The following FANK1 variants were observed in gnomAD, a reference collection of about 807,000 sequenced individuals.
FANK1 encodes the protein fibronectin type 3 and ankyrin repeat domains protein 1.
A neutral mutation model predicts 45.3 loss-of-function variants in FANK1; 44 were observed. The ratio of observed to expected loss-of-function variants is 0.97; its 90% CI spans 0.76 to 1.25. The LOEUF (loss-of-function observed/expected upper bound fraction) is 1.25, where lower values mean the gene tolerates loss of function less well. Among genes scored for constraint, FANK1 ranks in the 50% most tolerant of loss-of-function variants. The probability of loss-of-function intolerance (pLI) is 0.00; values close to 1 mark genes in which losing one functional copy is unlikely to be tolerated. For missense variants in FANK1, 391 were observed against 424.4 expected (o/e 0.92, Z 0.69); for synonymous variants, 149 against 152.5 (o/e 0.98, Z 0.17).
intron 1 of FANK1, among the ~76,000 whole-genome samples, chr10:125,926,190 T>C (rs1947329233): frequency 6.6e-6 from 1 of 152,188 alleles, no homozygotes; most frequent in Admixed American, 6.5e-5. Context: ...TTTGACATAA[T>C]TGCAGATTCA....
intron 1 of FANK1, among the ~76,000 whole-genome samples, chr10:125,916,369 A>AC (rs1946447037): frequency 1.3e-5 from 2 of 152,202 alleles, no homozygotes; most frequent in Non-Finnish European, 2.9e-5. Flanking sequence ...AAAAGTAGGT[A>AC]CTGTCAGTAT....
At chr10:125,990,148 C>T (rs929241048) in intron 3 of FANK1, among the ~76,000 whole-genome samples, 5 of 152,216 alleles carry the variant, frequency 3.3e-5, no homozygotes, top group Non-Finnish European at 7.3e-5. Context: ...ATTCCCCCAC[C>T]TCTATGAACA....
chr10:125,897,342 G>C (rs1247078602), intron 1 of FANK1, among the ~76,000 whole-genome samples: 3 of 152,300 alleles, frequency 2.0e-5, no homozygotes, highest in Non-Finnish European at 4.4e-5. Flanking sequence ...TACTATTTTT[G>C]TTGTTGTTTT....
intron 1 of FANK1, among the ~76,000 whole-genome samples, chr10:125,945,757 A>G (rs1437858390): frequency 1.3e-5 from 2 of 152,224 alleles, no homozygotes; most frequent in Admixed American, 6.5e-5. Context: ...CCACAACTCA[A>G]GGAGGCCTGC....
At chr10:125,904,464 G>A (rs1391811535) in intron 1 of FANK1, among the ~76,000 whole-genome samples, 2 of 150,858 alleles carry the variant, frequency 1.3e-5, no homozygotes, top group African/African-American at 2.4e-5. Context: ...CTTAGGGACA[G>A]GGTCTCACTA....
At chr10:125,976,968 G>GT (rs35441055) in intron 1 of FANK1, among the ~76,000 whole-genome samples, 60,480 of 151,290 alleles carry the variant, frequency 0.4, 12,196 homozygotes, top group South Asian at 0.46. Flanking sequence ...GACCCGTTAG[G>GT]TTTTTTTTTA....
intron 3 of FANK1, among the ~76,000 whole-genome samples, chr10:125,991,641 T>C (rs952903149): frequency 6.6e-6 from 1 of 152,152 alleles, no homozygotes; most frequent in African/African-American, 2.4e-5. Context: ...GAACAGCCTT[T>C]TTTTTCCCCC....
At chr10:125,964,732 G>T (rs1294119740) in intron 1 of FANK1, among the ~76,000 whole-genome samples, 1 of 152,110 alleles carries the variant, frequency 6.6e-6, no homozygotes, top group African/African-American at 2.4e-5. Flanking sequence ...CACATGTAAG[G>T]GACCATACCT....
chr10:126,005,301 TTC>T (rs1164982131), intron 7 of FANK1, among the ~76,000 whole-genome samples: 1 of 140,070 alleles, frequency 7.1e-6, no homozygotes, highest in Non-Finnish European at 1.5e-5. Flanking sequence ...TGCTTCTACT[TTC>T]TTTCTTTTTT....
At chr10:125,938,691 C>T (rs976319652) in intron 1 of FANK1, among the ~76,000 whole-genome samples, 7 of 152,094 alleles carry the variant, frequency 4.6e-5, no homozygotes, top group African/African-American at 1.7e-4. Context: ...TGCCTGTAGT[C>T]CTGGCTACTT....
intron 1 of FANK1, among the ~76,000 whole-genome samples, chr10:125,973,975 G>A (rs1248517373): frequency 6.6e-6 from 1 of 152,170 alleles, no homozygotes; most frequent in Non-Finnish European, 1.5e-5. Context: ...GTTGATGCAG[G>A]TGTATACAAA....
intron 1 of FANK1, among the ~76,000 whole-genome samples, chr10:125,912,288 A>G (rs936443955): frequency 1.3e-5 from 2 of 152,230 alleles, no homozygotes; most frequent in Non-Finnish European, 2.9e-5. Context: ...CAGAAGCACA[A>G]ACTGTAACTC....
At chr10:125,955,520 A>G (rs1949522001) in intron 1 of FANK1, among the ~76,000 whole-genome samples, 1 of 152,078 alleles carries the variant, frequency 6.6e-6, no homozygotes, top group African/African-American at 2.4e-5. Context: ...TTGCTGTGTC[A>G]CCCAGGCTGG....
chr10:125,982,708 AT>A (rs1426369859), intron 2 of FANK1, among the ~76,000 whole-genome samples: 6 of 152,250 alleles, frequency 3.9e-5, no homozygotes, highest in African/African-American at 1.4e-4. Context: ...AAACAATGAT[AT>A]TGTCTTTGAC....
intron 1 of FANK1, among the ~76,000 whole-genome samples, chr10:125,906,890 C>A (rs2105334): frequency 6.6e-6 from 1 of 152,178 alleles, no homozygotes; most frequent in Non-Finnish European, 1.5e-5. Flanking sequence ...TTCTCCCCTG[C>A]AGTTTCTCCA....
At chr10:125,916,464 G>C (rs1946454569) in intron 1 of FANK1, among the ~76,000 whole-genome samples, 1 of 151,902 alleles carries the variant, frequency 6.6e-6, no homozygotes, top group South Asian at 2.1e-4. Context: ...TTCTCTGTGG[G>C]CGTAGGATAA....
In FANK1 at chr10:125,930,893, A is replaced by T. The variant is rs145633386; in HGVS notation, c.13+34238A>T. ...TCCACACCCTTACCCCCAAGTCCCC[A>T]AAGTCCATTGTATCATTCTTATGCC... On this transcript the variant is annotated intron_variant, in intron 1 of 10. Coordinates refer to ENST00000368693, the MANE Select transcript of FANK1 (RefSeq NM_145235.5). 2.0e-4 allele frequency among the ~76,000 whole-genome samples: 30 copies of T among 152,160 alleles called. 1 individual carries two copies. Among genetic ancestry groups the T allele is most frequent in the African/African-American group, 7.0e-4 (29 of 41,498 alleles).
At chr10:125,982,906 G>C (rs2134204345) in intron 2 of FANK1, among the ~76,000 whole-genome samples, 1 of 144,508 alleles carries the variant, frequency 6.9e-6, no homozygotes, top group South Asian at 2.3e-4. Context: ...GGAAGGAGTT[G>C]ACTTTATTCC....
chr10:125,925,095 T>A (rs1947252240), intron 1 of FANK1, among the ~76,000 whole-genome samples: 1 of 152,052 alleles, frequency 6.6e-6, no homozygotes, highest in Non-Finnish European at 1.5e-5. Flanking sequence ...AATCTCATGT[T>A]CTATATGTTT....
Sources: gnomAD v4.1 joint callset for allele counts (sites outside exome capture counted in the v4.1 genomes callset) on GRCh38, gnomAD v4.1.1 for gene constraint, MANE v1.5 for transcripts, NCBI Gene and HGNC (gene_info 2026-07-23, HGNC 2026-07-21) for gene names.